The following PCDH15 variants were observed in gnomAD, a reference collection of about 807,000 sequenced individuals.
PCDH15 encodes the protein protocadherin-15.
In PCDH15, 129 loss-of-function variants were observed where a neutral mutation model predicts 178.5. The observed-to-expected ratio is 0.72, with a 90% CI of 0.63 to 0.84. The LOEUF (loss-of-function observed/expected upper bound fraction) is 0.84, where lower values mean the gene tolerates loss of function less well. Ranked by LOEUF, PCDH15 falls within the 40% of genes least tolerant of loss-of-function variation. The pLI is 0.00. For missense variants in PCDH15, 2,230 were observed against 2,099.9 expected (o/e 1.06, Z -1.21); for synonymous variants, 800 against 732.0 (o/e 1.09, Z -1.50).
chr10:54,565,995 A>G (rs377199786), intron 2 of PCDH15, among the ~76,000 whole-genome samples: 5 of 152,186 alleles, frequency 3.3e-5, no homozygotes, highest in African/African-American at 1.2e-4. Context: ...GAGGCAGTAG[A>G]ATCGTTTGAA....
intron 2 of PCDH15, among the ~76,000 whole-genome samples, chr10:55,617,714 C>A (rs1843507679): frequency 6.6e-6 from 1 of 152,046 alleles, no homozygotes; most frequent in African/African-American, 2.4e-5. Flanking sequence ...TCCTAATTAT[C>A]TGTCTGAAAA....
intron 3 of PCDH15, among the ~76,000 whole-genome samples, chr10:54,519,519 C>G (rs753488332): frequency 6.6e-6 from 1 of 152,080 alleles, no homozygotes; most frequent in Non-Finnish European, 1.5e-5. Flanking sequence ...CGTGAAGGAC[C>G]TCTTCAAGGA....
At chr10:54,270,404 C>A (rs1327906699) in intron 8 of PCDH15, among the ~76,000 whole-genome samples, 1 of 152,102 alleles carries the variant, frequency 6.6e-6, no homozygotes, top group African/African-American at 2.4e-5. Context: ...TTTGGACAGT[C>A]ATCATTCTTG....
intron 12 of PCDH15, among the ~76,000 whole-genome samples, chr10:54,184,726 T>A (rs1276215826): frequency 6.6e-6 from 1 of 151,826 alleles, no homozygotes; most frequent in African/African-American, 2.4e-5. Context: ...TGTTGCTAAA[T>A]GTTCACTGGA....
At position 54,482,425 on chromosome 10, in the gene PCDH15, C is replaced by A. The variant is rs184672332; in HGVS notation, c.157+45387G>T. On this transcript the variant is annotated intron_variant, in intron 3 of 37. Transcript: ENST00000644397. ...ATATCCCAATTAAATTAAAAGAATG[C>A]CCAGAAAATCAGCATAATTTTCAAT... Among the ~76,000 whole-genome samples, 428 of 151,720 alleles carry A rather than the reference C, an allele frequency of 2.8e-3. 1 individual carries two copies. The highest frequency in any genetic ancestry group is 9.9e-3 in the African/African-American group (412 of 41,436).
At chr10:55,001,742 C>A (rs1839800471) in intron 2 of PCDH15, among the ~76,000 whole-genome samples, 1 of 152,108 alleles carries the variant, frequency 6.6e-6, no homozygotes, top group Non-Finnish European at 1.5e-5. Flanking sequence ...GCACAGCCTG[C>A]CAGGCCAAGT....
chr10:55,036,422 C>T (rs770316230), intron 2 of PCDH15, among the ~76,000 whole-genome samples: 2 of 152,226 alleles, frequency 1.3e-5, no homozygotes, highest in African/African-American at 2.4e-5. Flanking sequence ...ATAAGACAAG[C>T]TCCGGTATGT....
At chr10:54,798,748 A>T (rs983889021) in intron 1 of PCDH15, among the ~76,000 whole-genome samples, 2 of 152,078 alleles carry the variant, frequency 1.3e-5, no homozygotes, top group African/African-American at 2.4e-5. Flanking sequence ...ATCCTGAGTG[A>T]AACTTAAAAC....
chr10:55,188,382 T>C (rs990743198), intron 1 of PCDH15, among the ~76,000 whole-genome samples: 4 of 151,980 alleles, frequency 2.6e-5, no homozygotes, highest in African/African-American at 9.7e-5. Context: ...CATTATTTTA[T>C]ATATTTCCAT....
chr10:55,158,948 TG>T (rs1838977346), intron 2 of PCDH15, among the ~76,000 whole-genome samples: 1 of 53,910 alleles, frequency 1.9e-5, no homozygotes. Context: ...AGTGTTTTGC[TG>T]TTTGATGAAG....
At chr10:54,242,737 T>C (rs542779137) in intron 8 of PCDH15, among the ~76,000 whole-genome samples, 8 of 152,252 alleles carry the variant, frequency 5.3e-5, no homozygotes, top group African/African-American at 1.4e-4. Context: ...GATGTCTTCA[T>C]CTGAGTAACG....
At chr10:54,406,289 A>G (rs1306808323) in intron 3 of PCDH15, among the ~76,000 whole-genome samples, 1 of 152,114 alleles carries the variant, frequency 6.6e-6, no homozygotes, top group Non-Finnish European at 1.5e-5. Flanking sequence ...GGCTTTATCT[A>G]TCTGATTTTA....
At chr10:54,569,019 A>C (rs2089430299) in intron 2 of PCDH15, among the ~76,000 whole-genome samples, 1 of 151,928 alleles carries the variant, frequency 6.6e-6, no homozygotes, top group Non-Finnish European at 1.5e-5. Flanking sequence ...AATTGCTCTA[A>C]TATAATTTTA....
chr10:54,236,106 C>T (rs2054600800), intron 9 of PCDH15, among the ~76,000 whole-genome samples: 1 of 152,092 alleles, frequency 6.6e-6, no homozygotes, highest in South Asian at 2.1e-4. Flanking sequence ...TTTTCAAGCA[C>T]ACTTCAAAAG....
At chr10:54,103,102 A>C (rs758537660) in intron 15 of PCDH15, among the ~76,000 whole-genome samples, 1 of 152,176 alleles carries the variant, frequency 6.6e-6, no homozygotes, top group Non-Finnish European at 1.5e-5. Context: ...CCTTCATTCA[A>C]GGAGTTCTGG....
intron 3 of PCDH15, among the ~76,000 whole-genome samples, chr10:54,459,401 A>G (rs2077032040): frequency 6.6e-6 from 1 of 151,618 alleles, no homozygotes; most frequent in African/African-American, 2.4e-5. Context: ...TAGGAACTTG[A>G]CTCTTGTTTA....
chr10:54,607,497 C>G (rs974991675), intron 2 of PCDH15, among the ~76,000 whole-genome samples: 12 of 152,096 alleles, frequency 7.9e-5, no homozygotes, highest in African/African-American at 2.4e-4. Context: ...AAATCCAGGT[C>G]CCTGCCCTCA....
At chr10:54,208,376 C>A (rs573713835) in intron 10 of PCDH15, among the ~76,000 whole-genome samples, 2 of 151,916 alleles carry the variant, frequency 1.3e-5, no homozygotes, top group African/African-American at 2.4e-5. Flanking sequence ...TGTATCTCTC[C>A]AAATTCATAT....
chr10:54,074,338 A>T (rs897006133), intron 17 of PCDH15, among the ~76,000 whole-genome samples: 2 of 152,096 alleles, frequency 1.3e-5, no homozygotes, highest in African/African-American at 4.8e-5. Flanking sequence ...TTAAACAATA[A>T]CTCCCCATTT....
Sources: allele counts gnomAD v4.1 joint callset (sites outside exome capture counted in the v4.1 genomes callset), GRCh38; gene constraint gnomAD v4.1.1; transcripts MANE v1.5; gene names NCBI Gene and HGNC (gene_info 2026-07-23, HGNC 2026-07-21).